The following NOD1 variants were observed in gnomAD, a reference collection of about 807,000 sequenced individuals.
NOD1 encodes nucleotide-binding oligomerization domain-containing protein 1.
A neutral mutation model predicts 81.2 loss-of-function variants in NOD1; 70 were observed. The observed-to-expected ratio is 0.86, with a 90% CI of 0.71 to 1.05. NOD1 has a LOEUF of 1.05. Ranked by LOEUF, NOD1 falls within the 50% of genes least tolerant of loss-of-function variation. NOD1 has a pLI of 0.00. For synonymous variants in NOD1, 508 were observed against 526.9 expected (o/e 0.96, Z 0.49); for missense variants, 1,233 against 1,228.0 (o/e 1.00, Z -0.06).
chr7:30,464,724 T>C (rs1787509386), intron 1 of NOD1, among the ~76,000 whole-genome samples: 1 of 152,210 alleles, frequency 6.6e-6, no homozygotes, highest in Non-Finnish European at 1.5e-5. Flanking sequence ...GACTTTATTA[T>C]AAGATCACTG....
At position 30,467,478 on chromosome 7, in the gene NOD1, T is replaced by C. The variant is rs1414728974; in HGVS notation, c.-351-7437A>G. Among the ~76,000 whole-genome samples the C allele has an allele frequency of 1.3e-5, 2 of 152,192 alleles. No homozygotes were observed. Among genetic ancestry groups the C allele is most frequent in the African/African-American group, 4.8e-5 (2 of 41,462 alleles). On this transcript the variant is annotated intron_variant, in intron 1 of 13. Coordinates refer to ENST00000222823, the MANE Select transcript of NOD1 (RefSeq NM_006092.4). This position sits in a 1 kb window ranked among gnomAD's most constrained non-coding sequence, Gnocchi z 4.5. Reference sequence around the variant, plus strand: ...CAGCGACTGCCTTGTTTTGAGGAACTATGACTTTCAACTCAAAGGGCCCAC... The same window carrying C: ...CAGCGACTGCCTTGTTTTGAGGAACCATGACTTTCAACTCAAAGGGCCCAC...
At chr7:30,437,386 T>C (rs1784470886) in intron 10 of NOD1, among the ~76,000 whole-genome samples, 187 bp downstream of exon 10, 1 of 152,052 alleles carries the variant, frequency 6.6e-6, no homozygotes, top group Non-Finnish European at 1.5e-5. Context: ...AACTTAAAGT[T>C]AAAAAAAGAG....
intron 12 of NOD1, among the ~76,000 whole-genome samples, chr7:30,430,688 C>A (rs1375471961): frequency 6.6e-6 from 1 of 152,210 alleles, no homozygotes; most frequent in Non-Finnish European, 1.5e-5. Flanking sequence ...CATCTGTAAA[C>A]TGAGAATAAC....
intron 8 of NOD1, 42 bp from the exon 9 acceptor site, chr7:30,446,266 G>A: frequency 6.9e-7 from 1 of 1,456,364 alleles, no homozygotes; most frequent in Non-Finnish European, 9.6e-7. Context: ...AGCTATGCAG[G>A]GGCTCCAATG....
chr7:30,476,741 T>C (rs1259518374), intron 1 of NOD1, among the ~76,000 whole-genome samples: 1 of 152,144 alleles, frequency 6.6e-6, no homozygotes, highest in Non-Finnish European at 1.5e-5. Context: ...AGTAAAACTG[T>C]ATTCCAGAGC....
chr7:30,432,659 C>T (rs576432459), intron 12 of NOD1, among the ~76,000 whole-genome samples: 13 of 152,264 alleles, frequency 8.5e-5, no homozygotes, highest in African/African-American at 1.2e-4. Flanking sequence ...AGTAGCATTA[C>T]GCATAATAGT....
At chr7:30,432,296 G>A (rs1000969922) in intron 12 of NOD1, among the ~76,000 whole-genome samples, 3 of 152,054 alleles carry the variant, frequency 2.0e-5, no homozygotes, top group Non-Finnish European at 4.4e-5. Context: ...AAAGGATATG[G>A]AGACATTTCT....
At chr7:30,473,784 G>T (rs1788509890) in intron 1 of NOD1, among the ~76,000 whole-genome samples, 1 of 152,158 alleles carries the variant, frequency 6.6e-6, no homozygotes, top group Non-Finnish European at 1.5e-5. Flanking sequence ...AAGCAGGGGT[G>T]GGGGTACTCA....
chr7:30,427,962 G>A (rs1050364227), intron 13 of NOD1, among the ~76,000 whole-genome samples: 1 of 152,242 alleles, frequency 6.6e-6, no homozygotes, highest in Non-Finnish European at 1.5e-5. Context: ...CATGCAAACA[G>A]TTCCAGTGCC....
Position 30,451,349 on chromosome 7 carries a change from C to A in NOD1, c.2068G>T (p.Ala690Ser). The A allele has an allele frequency of 6.2e-7, 1 of 1,614,192 alleles. No homozygotes were observed. ...LKLTYCNACS[A>S]DCSALSFVLH... is the part of the protein sequence containing the mutation. ...ACGAAGGAGAGGGCGCTGCAGTCGG[C>A]CGAGCAGGCGTTGCAGTAGGTCAGC... Residue 690 changes from alanine (A) to serine (S), a missense_variant, in exon 6 of 14, where the codon GCC (alanine) becomes TCC (serine). Transcript: ENST00000222823. The surrounding 1 kb of genome is among the most constrained non-coding windows in gnomAD (Gnocchi z 4.2).
In NOD1 at chr7:30,452,707, C is replaced by T. The variant is rs368548218; in HGVS notation, c.710G>A (p.Arg237His). ...GVKFFFHFRC[R>H]MFSCFKESDR... ...ACTTTCCTTGAAGCAGCTGAACATG[C>T]GGCAGCGAAAGTGGAAGAAGAATTT... The change falls in exon 6 of 14, where the codon CGC becomes CAC. Residue 237 changes from arginine (R) to histidine (H), a missense_variant. Coordinates refer to ENST00000222823, the MANE Select transcript of NOD1 (RefSeq NM_006092.4). The T allele has an allele frequency of 2.7e-5, 44 of 1,613,792 alleles. No individual in the cohort carries two copies. In the African/African-American group the frequency reaches 4.9e-4, roughly 18 times the overall value.
intron 1 of NOD1, among the ~76,000 whole-genome samples, chr7:30,462,425 G>GTT (rs1787192978): frequency 2.2e-5 from 3 of 137,148 alleles, no homozygotes; most frequent in Non-Finnish European, 3.2e-5. Context: ...GGTTCTGATG[G>GTT]GTTTTTTTTT....
At chr7:30,466,680 A>C (rs1441960528) in intron 1 of NOD1, among the ~76,000 whole-genome samples, 1 of 152,166 alleles carries the variant, frequency 6.6e-6, no homozygotes, top group Non-Finnish European at 1.5e-5. Context: ...AAAAATAAAC[A>C]AAACAAAAAA....
Position 30,456,837 on chromosome 7 carries a change from G to GTTCC in NOD1, c.81_84dup (p.Leu29GlyfsTer21). The GTTCC allele has an allele frequency of 6.2e-7, 1 of 1,614,160 alleles. No individual in the cohort carries two copies. On this transcript the variant is annotated frameshift_variant, in exon 4 of 14. Coordinates refer to ENST00000222823, the MANE Select transcript of NOD1 (RefSeq NM_006092.4). LOFTEE classifies it high-confidence loss of function. ...GTATTGCGGATGTGAGTGACCAGAA[G>GTTCC]TTCCCGATTGCTTTTCAGTAATTGA...
At chr7:30,433,219 C>T (rs939528227) in intron 11 of NOD1, 40 bp from the exon 12 acceptor site, 2 of 1,494,964 alleles carry the variant, frequency 1.3e-6, no homozygotes, top group Non-Finnish European at 1.9e-6. Context: ...AGAGAGCCTA[C>T]TTGGCAGACA....
rs1163012888 is a variant in NOD1 at position 30,425,134 on chromosome 7, A to G, written c.*504T>C. ...TGTGAAGTGGGACCAGTATCAATAC[A>G]TGGGAAAGTGCTGAGAAGGAAGAAA... On this transcript the variant is annotated 3_prime_UTR_variant, in exon 14 of 14. Transcript: ENST00000222823. 1.2e-5 allele frequency: 2 copies of G among 160,110 alleles called. No homozygotes were observed. The highest frequency in any genetic ancestry group is 2.7e-5 in the Non-Finnish European group (2 of 72,808). 9.9% of individuals were successfully genotyped at this position (160,110 alleles called of 1,614,324 possible). A position where few individuals can be genotyped will look rare whatever the true frequency, so the allele number is the denominator to read the frequency against.
At chr7:30,449,299 G>A (rs1485708770) in intron 6 of NOD1, among the ~76,000 whole-genome samples, 2 of 152,320 alleles carry the variant, frequency 1.3e-5, no homozygotes, top group East Asian at 3.9e-4. Context: ...GGCATGGCCA[G>A]CCCAAGACAG....
In NOD1 at chr7:30,437,614, G is replaced by T; in HGVS notation, c.2496C>A (p.Phe832Leu). Residue 832 changes from phenylalanine to leucine, a missense_variant, in exon 10 of 14, where the codon TTC becomes TTA. Phe to Leu is a conservative substitution (Grantham distance 22). Coordinates refer to ENST00000222823, the MANE Select transcript of NOD1 (RefSeq NM_006092.4). Reference sequence around the variant, plus strand: ...TGGGGTGGTTCCGCAGAGCCTCTGCGAAGGCTTTTGCTCCTTCATCCCCAA... The same window carrying T: ...TGGGGTGGTTCCGCAGAGCCTCTGCTAAGGCTTTTGCTCCTTCATCCCCAA... ...NQVGDEGAKA[F>L]AEALRNHPSL... The T allele has an allele frequency of 6.6e-7, 1 of 1,511,354 alleles. No individual in the cohort carries two copies. Among genetic ancestry groups the T allele is most frequent in the South Asian group, 1.4e-5 (1 of 73,980 alleles). 93.6% of individuals were successfully genotyped at this position (1,511,354 alleles called of 1,614,324 possible). A position where few individuals can be genotyped will look rare whatever the true frequency, so the allele number is the denominator to read the frequency against.
rs1351466118 is a variant in NOD1, at chr7:30,448,187, C to T, written c.2285+111G>A. 9 of 908,012 alleles carry T rather than the reference C, an allele frequency of 9.9e-6. No homozygotes were observed. The African/African-American group carries it at 1.1e-4, about 12-fold the overall frequency. 56.2% of individuals were successfully genotyped at this position (908,012 alleles called of 1,614,324 possible). ...CTCAACTCCTGGGCCAGCGCTCTTC[C>T]CAGCCCTGGGCCATCCGTGCCGATC... On this transcript the variant is annotated intron_variant, in intron 7 of 13. Transcript: ENST00000222823.
Sources: allele counts gnomAD v4.1 joint callset (sites outside exome capture counted in the v4.1 genomes callset), GRCh38; gene constraint gnomAD v4.1.1; non-coding constraint Gnocchi (gnomAD v3.1); transcripts MANE v1.5; gene names NCBI Gene and HGNC (gene_info 2026-07-23, HGNC 2026-07-21).